The following LRSAM1 variants were observed in gnomAD, a reference collection of about 807,000 sequenced individuals.
LRSAM1 encodes leucine rich repeat and sterile alpha motif containing 1.
In LRSAM1, 96 loss-of-function variants were observed where a neutral mutation model predicts 118.1. The ratio of observed to expected loss-of-function variants is 0.81; its 90% CI spans 0.69 to 0.96. The LOEUF (loss-of-function observed/expected upper bound fraction) is 0.96, where lower values mean the gene tolerates loss of function less well. Among genes scored for constraint, LRSAM1 ranks in the 40% least tolerant of loss-of-function variants. The pLI is 0.00. For synonymous variants in LRSAM1, 322 were observed against 364.2 expected (o/e 0.88, Z 1.32); for missense variants, 804 against 915.5 (o/e 0.88, Z 1.57).
At chr9:127,489,397 A>G in intron 18 of LRSAM1, 47 bp from the exon 19 acceptor site, 1 of 1,576,208 alleles carries the variant, frequency 6.3e-7, no homozygotes, top group Non-Finnish European at 8.6e-7. Flanking sequence ...GCTGCAGGGA[A>G]AAGTGTGGGC....
At chr9:127,499,531 A>AAG (rs1383083779) in intron 24 of LRSAM1, among the ~76,000 whole-genome samples, 1 of 77,394 alleles carries the variant, frequency 1.3e-5, no homozygotes, top group Non-Finnish European at 2.9e-5. Context: ...ACCCTGTCTA[A>AAG]AAAAAAATAT....
At chr9:127,495,817 C>T (rs1409406547) in intron 22 of LRSAM1, 147 bp from the exon 23 acceptor site, 3 of 1,205,652 alleles carry the variant, frequency 2.5e-6, no homozygotes, top group Non-Finnish European at 3.5e-6. Context: ...CTATCTATCT[C>T]TGTGTGCCTA....
In LRSAM1 at chr9:127,473,792, C is replaced by A. The variant is rs1588114537; in HGVS notation, c.620-9C>A. Reference sequence around the variant, plus strand: ...CCCTCCTGGTCAGCTTGTGTCCCGTCTCTTACAGAGTCAGGGCTGGAATAC... The same window carrying A: ...CCCTCCTGGTCAGCTTGTGTCCCGTATCTTACAGAGTCAGGGCTGGAATAC... On this transcript the variant is annotated splice_polypyrimidine_tract_variant and intron_variant, in intron 10 of 25. Transcript: ENST00000300417. The A allele has an allele frequency of 6.2e-7, 1 of 1,614,130 alleles. No homozygotes were observed. Among genetic ancestry groups the A allele is most frequent in the Non-Finnish European group, 8.5e-7 (1 of 1,179,958 alleles).
rs1256215388 is a variant in LRSAM1, at chr9:127,495,418, A to G, written c.1698A>G (p.Gln566=). The stretch of plus-strand genomic sequence containing the variant: ...AGAAGCCCTTGTCCTTGAAGCTGCA[A>G]GTAAGGACTGCTGGTGCCTGTCCCG... ...LNQKPLSLKL[Q]EEGMERQLVA... is the part of the protein sequence containing the mutation. The change falls in exon 22 of 26, where the codon CAA becomes CAG. Residue 566 remains glutamine, a splice_region_variant and synonymous_variant. Coordinates refer to ENST00000300417, the MANE Select transcript of LRSAM1 (RefSeq NM_001005373.4). The G allele has an allele frequency of 1.9e-6, 3 of 1,613,338 alleles. No individual in the cohort carries two copies. The highest frequency in any genetic ancestry group is 2.7e-5 in the African/African-American group (2 of 74,918).
Position 127,492,900 on chromosome 9 carries a change from A to G in LRSAM1, c.1599+3A>G. Reference sequence around the variant, plus strand: ...AGGAAGAGCTCCGGGAAATCCTGGTATGTGTTTGGCTTCTGTGCTCAGCAT... The same window carrying G: ...AGGAAGAGCTCCGGGAAATCCTGGTGTGTGTTTGGCTTCTGTGCTCAGCAT... On this transcript the variant is annotated splice_donor_region_variant and intron_variant, in intron 21 of 25. Coordinates refer to ENST00000300417, the MANE Select transcript of LRSAM1 (RefSeq NM_001005373.4). 1 of 1,613,644 alleles carries G rather than the reference A, an allele frequency of 6.2e-7. No individual in the cohort carries two copies. Among genetic ancestry groups the G allele is most frequent in the Non-Finnish European group, 8.5e-7 (1 of 1,179,732 alleles).
chr9:127,457,137 G>T (rs1834547752), intron 5 of LRSAM1, among the ~76,000 whole-genome samples, 179 bp from the exon 6 acceptor site: 1 of 152,252 alleles, frequency 6.6e-6, no homozygotes, highest in Non-Finnish European at 1.5e-5. Flanking sequence ...CAGGTTTTAA[G>T]GAAGGGCATT....
chr9:127,487,817 C>G (rs1027081326), intron 18 of LRSAM1, 54 bp downstream of exon 18: 56 of 1,523,926 alleles, frequency 3.7e-5, no homozygotes, highest in Non-Finnish European at 5.0e-5. Context: ...GGTTCAGGAG[C>G]CAGGGCAGAG....
At chr9:127,497,554 C>A (rs1836199582) in intron 24 of LRSAM1, among the ~76,000 whole-genome samples, 1 of 152,190 alleles carries the variant, frequency 6.6e-6, no homozygotes, top group African/African-American at 2.4e-5. Context: ...CAGGAGACCT[C>A]CACGTAGCAG....
At chr9:127,500,723 C>T (rs999135643) in intron 24 of LRSAM1, among the ~76,000 whole-genome samples, 4 of 152,228 alleles carry the variant, frequency 2.6e-5, no homozygotes, top group Non-Finnish European at 5.9e-5. Flanking sequence ...TGCAGGGTGG[C>T]TATGAAGCGT....
intron 11 of LRSAM1, among the ~76,000 whole-genome samples, chr9:127,476,637 G>C (rs1158447175): frequency 6.6e-6 from 1 of 152,090 alleles, no homozygotes; most frequent in African/African-American, 2.4e-5. Context: ...ATTTGATGAT[G>C]AAGTGGCATG....
intron 9 of LRSAM1, among the ~76,000 whole-genome samples, chr9:127,464,778 G>A (rs1470052550): frequency 1.3e-5 from 2 of 151,764 alleles, no homozygotes; most frequent in African/African-American, 2.4e-5. Context: ...AAGAGACTGG[G>A]ACCACAGGTG....
In LRSAM1 at chr9:127,501,068, G is replaced by C; in HGVS notation, c.1971G>C (p.Glu657Asp). Residue 657 changes from glutamate to aspartate, a missense_variant, in exon 25 of 26, where the codon GAG (glutamate) becomes GAC (aspartate). Glu to Asp is a conservative substitution (Grantham distance 45). Coordinates refer to ENST00000300417, the MANE Select transcript of LRSAM1 (RefSeq NM_001005373.4). The stretch of plus-strand genomic sequence containing the variant: ...CTACGGCCCCCCAGGAGCCTCCTGA[G>C]TCTGTGAGGCCATCCGCTCCCCCTG... ...VTPTAPQEPP[E>D]SVRPSAPPAE... 6 of 1,614,066 alleles carry C rather than the reference G, an allele frequency of 3.7e-6. No individual in the cohort carries two copies. Among genetic ancestry groups the C allele is most frequent in the Non-Finnish European group, 5.1e-6 (6 of 1,180,020 alleles).
intron 5 of LRSAM1, 60 bp from the exon 6 acceptor site, chr9:127,457,256 T>TA (rs1834553811): frequency 6.2e-7 from 1 of 1,601,910 alleles, no homozygotes; most frequent in Admixed American, 1.7e-5. Flanking sequence ...CCCACGCCCT[T>TA]AGCCTGCCCT....
At chr9:127,488,237 G>A (rs978962788) in intron 18 of LRSAM1, among the ~76,000 whole-genome samples, 12 of 152,094 alleles carry the variant, frequency 7.9e-5, no homozygotes, top group Admixed American at 6.6e-4. Context: ...CTCCCCTTCG[G>A]TGTCCATATT....
At chr9:127,487,190 A>G (rs1475454947) in intron 17 of LRSAM1, among the ~76,000 whole-genome samples, 13 of 151,826 alleles carry the variant, frequency 8.6e-5, no homozygotes, top group African/African-American at 3.1e-4. Context: ...TCTCAAAAAA[A>G]AAAAAAAAAA....
chr9:127,480,101 TC>T, intron 14 of LRSAM1, 123 bp downstream of exon 14: 1 of 1,365,782 alleles, frequency 7.3e-7, no homozygotes, highest in Non-Finnish European at 1.0e-6. Flanking sequence ...CTTGTCAGGA[TC>T]CAGTCTGGGT....
intron 25 of LRSAM1, among the ~76,000 whole-genome samples, chr9:127,502,174 G>A (rs1250813080): frequency 6.6e-6 from 1 of 152,252 alleles, no homozygotes; most frequent in Non-Finnish European, 1.5e-5. Flanking sequence ...TCCGTCGCCT[G>A]TCCAGAGCGC....
chr9:127,498,916 A>G (rs1836260347), intron 24 of LRSAM1, among the ~76,000 whole-genome samples: 1 of 151,792 alleles, frequency 6.6e-6, no homozygotes, highest in East Asian at 1.9e-4. Context: ...AAAATTAGCC[A>G]GGCGTGGTGG....
At chr9:127,481,715 G>A (rs1460970541) in intron 15 of LRSAM1, among the ~76,000 whole-genome samples, 1 of 152,126 alleles carries the variant, frequency 6.6e-6, no homozygotes, top group Non-Finnish European at 1.5e-5. Context: ...AAAACATTCA[G>A]AGACATGAAT....
Sources: allele counts gnomAD v4.1 joint callset (sites outside exome capture counted in the v4.1 genomes callset), GRCh38; gene constraint gnomAD v4.1.1; transcripts MANE v1.5; gene names NCBI Gene and HGNC (gene_info 2026-07-23, HGNC 2026-07-21).